The following ACSM2A variants were observed in gnomAD, a reference collection of about 807,000 sequenced individuals.
The protein encoded by ACSM2A is acyl-coenzyme A synthetase ACSM2A, mitochondrial.
In ACSM2A, 72 loss-of-function variants were observed where a neutral mutation model predicts 76.6. The ratio of observed to expected loss-of-function variants is 0.94; its 90% CI spans 0.78 to 1.14. ACSM2A has a LOEUF of 1.14. Ranked by LOEUF, ACSM2A falls within the 50% of genes most tolerant of loss-of-function variation. ACSM2A has a pLI of 0.00. For missense variants in ACSM2A, 684 were observed against 708.5 expected (o/e 0.97, Z 0.39); for synonymous variants, 249 against 255.9 (o/e 0.97, Z 0.26).
chr16:20,452,608 T>C (rs2011842328), intron 1 of ACSM2A: 2 of 127,560 alleles, frequency 1.6e-5, no homozygotes, highest in African/African-American at 6.5e-5. Flanking sequence ...TATGAGTTTA[T>C]AAAATATATA....
intron 1 of ACSM2A, among the ~76,000 whole-genome samples, chr16:20,456,629 A>T (rs188863800): frequency 6.6e-6 from 1 of 150,570 alleles, no homozygotes; most frequent in East Asian, 2.0e-4. Context: ...AAGCTATCAA[A>T]ACTTCTAGGA....
At position 20,473,453 on chromosome 16, in the gene ACSM2A, A is replaced by G. The variant is rs565409965; in HGVS notation, c.894+1764A>G. Among the ~76,000 whole-genome samples, 7 of 152,338 alleles carry G rather than the reference A, an allele frequency of 4.6e-5. No individual in the cohort carries two copies. In the East Asian group the frequency reaches 9.6e-4, roughly 21 times the overall value. ...AAATATAGCAAATGAGTATGTAGTT[A>G]CAAGCTGAGCTTCTAGTAAGGCAAA... On this transcript the variant is annotated intron_variant, in intron 6 of 13. Transcript: ENST00000573854.
intron 13 of ACSM2A, among the ~76,000 whole-genome samples, chr16:20,486,164 T>A (rs922922181): frequency 6.6e-6 from 1 of 152,364 alleles, no homozygotes; most frequent in East Asian, 1.9e-4. Flanking sequence ...AATCTCCTTT[T>A]GTCCATGTAA....
intron 13 of ACSM2A, among the ~76,000 whole-genome samples, chr16:20,483,569 C>CAAAAAAAAAAAAAAA (rs60606533): frequency 6.2e-5 from 2 of 32,208 alleles, no homozygotes; most frequent in African/African-American, 1.7e-4. Flanking sequence ...GACTCTGTCT[C>CAAAAAAAAAAAAAAA]AAAAAAAAAA....
rs528434499 is a variant in ACSM2A, at chr16:20,478,963, A to G, written c.1281+286A>G. Among the ~76,000 whole-genome samples, 52 of 152,236 alleles carry G rather than the reference A, an allele frequency of 3.4e-4. 1 individual carries two copies. The South Asian group carries it at 3.9e-3, about 12-fold the overall frequency. ...ATGCCCAAAATATTATTGACCCTGA[A>G]CTATACACAGCACCATTCCCCCAAG... On this transcript the variant is annotated intron_variant, in intron 10 of 13. Coordinates refer to ENST00000573854, the MANE Select transcript of ACSM2A (RefSeq NM_001308172.2).
chr16:20,475,877 A>T (rs1387620547), intron 8 of ACSM2A, 104 bp downstream of exon 8: 1 of 1,563,444 alleles, frequency 6.4e-7, no homozygotes, highest in African/African-American at 1.4e-5. Context: ...CATCTATTCG[A>T]GAAGTATTTA....
At position 20,487,576 on chromosome 16, in the gene ACSM2A, T is replaced by C. The variant is rs2014442484; in HGVS notation, c.*898T>C. ...TTAGATCATAGCTGTGAGAACAACG[T>C]AAGCACTGCCAAAGTTATCAGCTAC... On this transcript the variant is annotated 3_prime_UTR_variant, in exon 14 of 14. Coordinates refer to ENST00000573854, the MANE Select transcript of ACSM2A (RefSeq NM_001308172.2). 6.6e-6 allele frequency: 1 copy of C among 152,232 alleles called. No homozygotes were observed. The highest frequency in any genetic ancestry group is 2.1e-4 in the South Asian group (1 of 4,832). 9.4% of individuals were successfully genotyped at this position (152,232 alleles called of 1,614,324 possible). A position where few individuals can be genotyped will look rare whatever the true frequency, so the allele number is the denominator to read the frequency against.
In ACSM2A at chr16:20,470,706, A is replaced by G. The variant is rs370262570; in HGVS notation, c.597-367A>G. 1,341 of 442,802 alleles carry G rather than the reference A, an allele frequency of 3.0e-3. 12 individuals are homozygous for G. The highest frequency in any genetic ancestry group is 0.011 in the South Asian group (627 of 59,428). The allele number at this position is 442,802 out of a possible 1,614,324, so 27.4% of individuals were successfully genotyped here. A position where few individuals can be genotyped will look rare whatever the true frequency, so the allele number is the denominator to read the frequency against. On this transcript the variant is annotated intron_variant, in intron 4 of 13. Transcript: ENST00000573854. ...TCCTGTCCACTTGGTGTCATGCCAG[A>G]GCTCTTCACAACAATTAGATTAGCA...
chr16:20,480,409 C>T (rs1415497535), intron 10 of ACSM2A, among the ~76,000 whole-genome samples, 164 bp from the exon 11 acceptor site: 7 of 152,180 alleles, frequency 4.6e-5, no homozygotes, highest in African/African-American at 1.7e-4. Flanking sequence ...TCCAGTTCTG[C>T]CTGTGGCCTA....
intron 3 of ACSM2A, among the ~76,000 whole-genome samples, chr16:20,468,376 T>G (rs1399869695): frequency 2.6e-5 from 4 of 152,236 alleles, no homozygotes; most frequent in Non-Finnish European, 5.9e-5. Flanking sequence ...CTTTCTTTCT[T>G]TTATTTTTTT....
At chr16:20,485,374 A>G (rs1247050000) in intron 13 of ACSM2A, among the ~76,000 whole-genome samples, 1 of 152,144 alleles carries the variant, frequency 6.6e-6, no homozygotes, top group African/African-American at 2.4e-5. Flanking sequence ...TCCTTCCACC[A>G]ACTACATCCA....
At chr16:20,458,859 G>T (rs1397364986) in intron 1 of ACSM2A, among the ~76,000 whole-genome samples, 3 of 122,538 alleles carry the variant, frequency 2.4e-5, no homozygotes, top group African/African-American at 5.9e-5. Flanking sequence ...ATATTTTTTA[G>T]GTATATACTA....
intron 9 of ACSM2A, 118 bp from the exon 10 acceptor site, chr16:20,478,458 T>C: frequency 8.3e-7 from 1 of 1,203,606 alleles, no homozygotes; most frequent in Non-Finnish European, 1.1e-6. Context: ...CTGGTTGTTG[T>C]TTTCAGTCTC....
chr16:20,471,344 T>C, intron 5 of ACSM2A, 128 bp downstream of exon 5: 1 of 1,494,312 alleles, frequency 6.7e-7, no homozygotes, highest in Non-Finnish European at 9.0e-7. Flanking sequence ...CTCCTGTTGA[T>C]ACAGGATGTG....
intron 3 of ACSM2A, among the ~76,000 whole-genome samples, chr16:20,467,578 AG>A (rs1324234186): frequency 2.6e-5 from 4 of 152,166 alleles, no homozygotes. Context: ...AACTAATAAC[AG>A]GGTTATTCAA....
chr16:20,452,208 C>T (rs1483151810), intron 1 of ACSM2A: 1 of 151,972 alleles, frequency 6.6e-6, no homozygotes, highest in South Asian at 2.1e-4. Context: ...AAGAGATTAA[C>T]ATTTGAGTCG....
intron 1 of ACSM2A, among the ~76,000 whole-genome samples, chr16:20,457,878 A>T (rs905522232): frequency 3.3e-5 from 5 of 152,070 alleles, no homozygotes; most frequent in South Asian, 2.1e-4. Context: ...GTCATACAGT[A>T]GCTGTTTGCT....
rs943305496 is a variant in ACSM2A at position 20,487,397 on chromosome 16, G to A, written c.*719G>A. 1.3e-5 allele frequency: 2 copies of A among 152,178 alleles called. No homozygotes were observed. Among genetic ancestry groups the A allele is most frequent in the Non-Finnish European group, 2.9e-5 (2 of 68,092 alleles). The allele number at this position is 152,178 out of a possible 1,614,324, so 9.4% of individuals were successfully genotyped here. A position where few individuals can be genotyped will look rare whatever the true frequency, so the allele number is the denominator to read the frequency against. The stretch of plus-strand genomic sequence containing the variant: ...ACAGGAAGACTTGTGTGTGGGGTTG[G>A]GACATTAGAATCATCCACAAGTCAC... On this transcript the variant is annotated 3_prime_UTR_variant, in exon 14 of 14. Transcript: ENST00000573854.
chr16:20,476,357 T>C, intron 8 of ACSM2A: 1 of 980,432 alleles, frequency 1.0e-6, no homozygotes, highest in South Asian at 4.7e-5. Context: ...CTTCTTCTCC[T>C]TTTTCCAGTG....
Sources: allele counts gnomAD v4.1 joint callset (sites outside exome capture counted in the v4.1 genomes callset), GRCh38; gene constraint gnomAD v4.1.1; transcripts MANE v1.5; gene names NCBI Gene and HGNC (gene_info 2026-07-23, HGNC 2026-07-21).